The following CSMD3 variants were observed in gnomAD, a reference collection of about 807,000 sequenced individuals.
CSMD3 encodes CUB and Sushi multiple domains 3.
Under a neutral mutation model 435.2 loss-of-function variants are expected in CSMD3, and 177 were observed. The observed-to-expected ratio is 0.41, with a 90% CI of 0.36 to 0.46. The LOEUF is 0.46. Ranked by LOEUF, CSMD3 falls within the 20% of genes least tolerant of loss-of-function variation. The pLI is 0.34. For missense variants in CSMD3, 4,265 were observed against 4,504.6 expected (o/e 0.95, Z 1.52); for synonymous variants, 1,656 against 1,520.5 (o/e 1.09, Z -2.07).
chr8:113,289,063 T>C (rs1027309964), intron 2 of CSMD3, among the ~76,000 whole-genome samples: 1 of 151,838 alleles, frequency 6.6e-6, no homozygotes, highest in Admixed American at 6.6e-5. Context: ...TTCCATTTAC[T>C]GTTGTGTGAC....
intron 47 of CSMD3, among the ~76,000 whole-genome samples, chr8:112,315,524 T>C (rs937217652): frequency 6.6e-6 from 1 of 151,858 alleles, no homozygotes; most frequent in East Asian, 1.9e-4. Flanking sequence ...AGTATTGGAA[T>C]TATTTAGTAT....
Position 112,254,343 on chromosome 8 carries a change from A to G in CSMD3, c.10037-17T>C, listed in dbSNP as rs757353631. 1.3e-6 allele frequency: 2 copies of G among 1,570,512 alleles called. No homozygotes were observed. Among genetic ancestry groups the G allele is most frequent in the Middle Eastern group, 1.7e-4 (1 of 6,018 alleles). On this transcript the variant is annotated splice_polypyrimidine_tract_variant and intron_variant, in intron 62 of 70. Coordinates refer to ENST00000297405, the MANE Select transcript of CSMD3 (RefSeq NM_198123.2). ...GGGTAGGCTCTAAAATGAAGATTAA[A>G]AAGATATTAGTCCTTTAAAATTTAC...
rs189261539 is a variant in CSMD3 at position 112,552,186 on chromosome 8, G to C, written c.4361+408C>G. Among the ~76,000 whole-genome samples, 458 of 152,098 alleles carry C rather than the reference G, an allele frequency of 3.0e-3. 1 individual carries two copies. Among genetic ancestry groups the C allele is most frequent in the African/African-American group, 0.011 (436 of 41,496 alleles). On this transcript the variant is annotated intron_variant, in intron 26 of 70. Coordinates refer to ENST00000297405, the MANE Select transcript of CSMD3 (RefSeq NM_198123.2). ...TGAGGATGCACTAGGGTAATAATTTGCAAAACTCTGTATATCAGTCAAAAT... is the reference window on the plus strand; with the variant it reads ...TGAGGATGCACTAGGGTAATAATTTCCAAAACTCTGTATATCAGTCAAAAT...
At chr8:112,239,437 T>C (rs1407124885) in intron 66 of CSMD3, among the ~76,000 whole-genome samples, 1 of 152,082 alleles carries the variant, frequency 6.6e-6, no homozygotes, top group Non-Finnish European at 1.5e-5. Flanking sequence ...AATATCTTTA[T>C]CCGAGTTATT....
chr8:112,299,867 T>C (rs1445434008), intron 53 of CSMD3, among the ~76,000 whole-genome samples: 1 of 151,872 alleles, frequency 6.6e-6, no homozygotes, highest in Non-Finnish European at 1.5e-5. Context: ...TCTTGTCTCC[T>C]TAGACTAAGA....
At chr8:112,668,520 C>T (rs1324910227) in intron 16 of CSMD3, among the ~76,000 whole-genome samples, 1 of 151,976 alleles carries the variant, frequency 6.6e-6, no homozygotes, top group African/African-American at 2.4e-5. Flanking sequence ...TCCGACTAGC[C>T]ACTCAGTGCA....
intron 35 of CSMD3, among the ~76,000 whole-genome samples, chr8:112,402,999 A>G (rs1328218419): frequency 1.3e-5 from 2 of 152,154 alleles, no homozygotes; most frequent in Non-Finnish European, 2.9e-5. Flanking sequence ...TGAGAGTGCA[A>G]GTACCTAAGG....
chr8:113,359,665 C>T (rs1422336117), intron 1 of CSMD3, among the ~76,000 whole-genome samples: 4 of 152,180 alleles, frequency 2.6e-5, no homozygotes, highest in Admixed American at 2.6e-4. Flanking sequence ...GCTTCTGAGC[C>T]ATAATATCCT....
intron 4 of CSMD3, among the ~76,000 whole-genome samples, chr8:113,146,283 G>T (rs1439640101): frequency 2.0e-5 from 3 of 151,496 alleles, no homozygotes; most frequent in African/African-American, 7.2e-5. Context: ...CATGCTTCAT[G>T]GGGGGTAGGA....
chr8:112,689,961 A>G lies in CSMD3; in HGVS notation c.2062T>C (p.Phe688Leu). 6.2e-7 allele frequency: 1 copy of G among 1,613,260 alleles called. No individual in the cohort carries two copies. Among genetic ancestry groups the G allele is most frequent in the Non-Finnish European group, 8.5e-7 (1 of 1,179,408 alleles). The part of the protein sequence containing the change: ...DGFSNRDVLR[F>L]ECQFGFELIG... ...AATTCAAACCCAAACTGGCATTCAA[A>G]CCTTAAAACATCACGATTAGAAAAT... The change falls in exon 14 of 71, where the codon TTT (phenylalanine) becomes CTT (leucine). Residue 688 changes from phenylalanine to leucine, a missense_variant. Phe to Leu is a conservative substitution (Grantham distance 22). Around this residue, in one of 3 missense-constraint regions of CSMD3, gnomAD observed 279 missense variants for 369.0 expected, o/e 0.76. Coordinates refer to ENST00000297405, the MANE Select transcript of CSMD3 (RefSeq NM_198123.2).
intron 5 of CSMD3, among the ~76,000 whole-genome samples, chr8:113,056,415 T>A (rs1435998214): frequency 6.6e-6 from 1 of 152,228 alleles, no homozygotes; most frequent in Non-Finnish European, 1.5e-5. Flanking sequence ...GTTTAAGTGT[T>A]TTCATTGCTA....
At chr8:113,158,742 T>A (rs1012599170) in intron 4 of CSMD3, among the ~76,000 whole-genome samples, 2 of 151,946 alleles carry the variant, frequency 1.3e-5, no homozygotes, top group African/African-American at 2.4e-5. Context: ...TTATATATAT[T>A]TTTGTATATG....
At chr8:113,200,278 A>G (rs570074292) in intron 3 of CSMD3, among the ~76,000 whole-genome samples, 3 of 151,626 alleles carry the variant, frequency 2.0e-5, no homozygotes, top group African/African-American at 7.2e-5. Flanking sequence ...CCTTCTTTCA[A>G]TCTCCATTGC....
intron 34 of CSMD3, among the ~76,000 whole-genome samples, chr8:112,408,051 G>C (rs1199117589): frequency 2.6e-5 from 4 of 151,834 alleles, no homozygotes; most frequent in African/African-American, 9.7e-5. Context: ...AGATAGTAAA[G>C]GATTGTCAGG....
chr8:113,163,689 T>A (rs999752838), intron 4 of CSMD3, among the ~76,000 whole-genome samples: 5 of 152,042 alleles, frequency 3.3e-5, no homozygotes, highest in African/African-American at 1.2e-4. Flanking sequence ...AACAAAGAGA[T>A]TCAAACTTTG....
At chr8:113,404,921 G>A (rs1223673336) in intron 1 of CSMD3, among the ~76,000 whole-genome samples, 1 of 151,450 alleles carries the variant, frequency 6.6e-6, no homozygotes, top group Non-Finnish European at 1.5e-5. Context: ...TGTGTTATGT[G>A]CAAGACATGG....
chr8:113,427,598 C>T (rs1198920500), intron 1 of CSMD3, among the ~76,000 whole-genome samples: 1 of 151,480 alleles, frequency 6.6e-6, no homozygotes, highest in Non-Finnish European at 1.5e-5. Context: ...ATTTCTCTGG[C>T]CTGTCCCCTC....
intron 5 of CSMD3, among the ~76,000 whole-genome samples, chr8:113,031,163 G>A (rs1286190619): frequency 2.6e-5 from 4 of 151,546 alleles, no homozygotes; most frequent in African/African-American, 9.7e-5. Flanking sequence ...CCAGAGAAAT[G>A]AAAGCTTATA....
chr8:112,346,668 C>CTT (rs1563820913), intron 40 of CSMD3, among the ~76,000 whole-genome samples: 12 of 129,222 alleles, frequency 9.3e-5, no homozygotes, highest in African/African-American at 4.0e-4. Context: ...CCCTCCTTTT[C>CTT]CTTTTTTTTT....
Sources: gnomAD v4.1 joint callset for allele counts (sites outside exome capture counted in the v4.1 genomes callset) on GRCh38, gnomAD v4.1.1 for gene constraint, gnomAD v4.1.1 regional missense constraint, MANE v1.5 for transcripts, NCBI Gene and HGNC (gene_info 2026-07-23, HGNC 2026-07-21) for gene names.